RTEL1: variants seen among roughly 807,000 people sequenced by gnomAD.
RTEL1 encodes the protein regulator of telomere length.
A neutral mutation model predicts 162.2 loss-of-function variants in RTEL1; 86 were observed. That is an observed-to-expected ratio of 0.53 (90% CI 0.45 to 0.63). The LOEUF (loss-of-function observed/expected upper bound fraction) is 0.63, where lower values mean the gene tolerates loss of function less well. RTEL1 is among the 30% of genes least tolerant of loss of function. RTEL1 has a pLI of 0.00. For synonymous variants in RTEL1, 958 were observed against 717.9 expected (o/e 1.33, Z -5.35); for missense variants, 1,941 against 1,750.2 (o/e 1.11, Z -1.95).
chr20:63,672,708 G>A, intron 9 of RTEL1, 87 bp downstream of exon 9: 1 of 1,148,192 alleles, frequency 8.7e-7, no homozygotes, highest in Non-Finnish European at 1.3e-6. Context: ...AGGGGCTCTG[G>A]CCAAACTCCT....
chr20:63,691,653 G>A, intron 27 of RTEL1, 89 bp from the exon 28 acceptor site: 1 of 1,186,534 alleles, frequency 8.4e-7, no homozygotes, highest in Non-Finnish European at 1.2e-6. Flanking sequence ...GGGCTCCTTG[G>A]GACCATCTTC....
chr20:63,692,441 T>C, intron 28 of RTEL1: 1 of 343,888 alleles, frequency 2.9e-6, no homozygotes. Flanking sequence ...AAGCCCCTCC[T>C]TGTGCGCTGC....
At chr20:63,681,616 C>T in intron 14 of RTEL1, 2 of 985,388 alleles carry the variant, frequency 2.0e-6, no homozygotes, top group South Asian at 9.4e-5. Context: ...TGCTGCTGGG[C>T]ATGGAGCTGC....
chr20:63,682,526 G>T, intron 14 of RTEL1: 1 of 985,768 alleles, frequency 1.0e-6, no homozygotes, highest in Non-Finnish European at 1.2e-6. Context: ...ACACTCCATC[G>T]GTTTGGAATT....
chr20:63,668,146 A>C lies in RTEL1; in HGVS notation c.699+593A>C, dbSNP rs2090175586. Among the ~76,000 whole-genome samples the C allele has an allele frequency of 2.5e-5, 3 of 121,480 alleles. No individual in the cohort carries two copies. The highest frequency in any genetic ancestry group is 8.1e-5 in the Admixed American group (1 of 12,304). The allele number at this position is 121,480 out of a possible 152,430, so 79.7% of individuals were successfully genotyped here. On this transcript the variant is annotated intron_variant, in intron 8 of 34. Coordinates refer to ENST00000360203, the MANE Select transcript of RTEL1 (RefSeq NM_001283009.2). The surrounding 1 kb of genome is among the most constrained non-coding windows in gnomAD (Gnocchi z 4.3). ...CCAGCATGTGCCCGGCCCCACACTC[A>C]ACTCCCCTCCTCCCAGTGTGTGCCC...
rs1292134264 is a variant in RTEL1, at chr20:63,661,283, C to G, written c.103-15C>G. On this transcript the variant is annotated splice_polypyrimidine_tract_variant and intron_variant, in intron 2 of 34. Transcript: ENST00000360203. The surrounding 1 kb of genome is among the most constrained non-coding windows in gnomAD (Gnocchi z 5.1). ...TCCTGGCTTCCCCGTAACCCTTGCT[C>G]CGAACTCCGTTCAGAAGGTGAATGG... 6.2e-7 allele frequency: 1 copy of G among 1,610,412 alleles called. No homozygotes were observed. Among genetic ancestry groups the G allele is most frequent in the South Asian group, 1.1e-5 (1 of 90,952 alleles).
chr20:63,693,298 A>C lies in RTEL1; in HGVS notation c.2992+15A>C. ...GGACCCCACTGGTAAATGGGGCCCC[A>C]GGTGGGACCCTCAGACTCCTGCGTG... On this transcript the variant is annotated intron_variant, in intron 30 of 34. Transcript: ENST00000360203. The C allele has an allele frequency of 6.2e-7, 1 of 1,611,080 alleles. No homozygotes were observed. The highest frequency in any genetic ancestry group is 1.1e-5 in the South Asian group (1 of 91,082).
intron 6 of RTEL1, 97 bp downstream of exon 6, chr20:63,662,986 TG>T: frequency 8.0e-7 from 1 of 1,243,938 alleles, no homozygotes. Context: ...GCTTGCCCGG[TG>T]GGGCGGCCAG....
At chr20:63,682,997 T>G (rs1310241474) in intron 14 of RTEL1, among the ~76,000 whole-genome samples, 1 of 152,038 alleles carries the variant, frequency 6.6e-6, no homozygotes, top group Non-Finnish European at 1.5e-5. Flanking sequence ...AGGGTCTCGC[T>G]TTGTCACCCC....
At position 63,661,896 on chromosome 20, in the gene RTEL1, C is replaced by T. The variant is rs1308140303; in HGVS notation, c.348C>T (p.His116=). The T allele has an allele frequency of 6.2e-7, 1 of 1,614,072 alleles. No homozygotes were observed. The highest frequency in any genetic ancestry group is 8.5e-7 in the Non-Finnish European group (1 of 1,180,008). The part of the protein sequence containing the change: ...IPKIIYASRT[H]SQLTQVINEL... ...AGATTATTTACGCCTCCAGGACCCA[C>T]TCGCAACTCACACAGGTCATCAACG... The change falls in exon 4 of 35, where the codon CAC becomes CAT. Residue 116 remains histidine, a synonymous_variant. Coordinates refer to ENST00000360203, the MANE Select transcript of RTEL1 (RefSeq NM_001283009.2). The surrounding 1 kb of genome is among the most constrained non-coding windows in gnomAD (Gnocchi z 5.1).
chr20:63,693,760 C>T (rs141035031), intron 30 of RTEL1, among the ~76,000 whole-genome samples: 1 of 123,292 alleles, frequency 8.1e-6, no homozygotes, highest in Non-Finnish European at 1.7e-5. Context: ...ACCACCTCCA[C>T]CTCCACCAGC....
chr20:63,682,787 G>A lies in RTEL1; in HGVS notation c.1191+2068G>A, dbSNP rs964985672. On this transcript the variant is annotated intron_variant, in intron 14 of 34. Transcript: ENST00000360203. ...TGGGATGCACAGCTCAGCTGGAGGC[G>A]AACTCCAGGCAGGGTCAGGCCGTGT... 13 of 745,232 alleles carry A rather than the reference G, an allele frequency of 1.7e-5. No homozygotes were observed. The South Asian group carries it at 1.9e-4, about 11-fold the overall frequency. The allele number at this position is 745,232 out of a possible 1,614,324, so 46.2% of individuals were successfully genotyped here. A position where few individuals can be genotyped will look rare whatever the true frequency, so the allele number is the denominator to read the frequency against.
intron 10 of RTEL1, among the ~76,000 whole-genome samples, chr20:63,675,252 C>T (rs2090326469): frequency 6.6e-6 from 1 of 152,206 alleles, no homozygotes; most frequent in Non-Finnish European, 1.5e-5. Context: ...GACTAGGAGT[C>T]TGTGTGAATA....
At position 63,688,361 on chromosome 20, in the gene RTEL1, T is replaced by C; in HGVS notation, c.1697T>C (p.Met566Thr). The C allele has an allele frequency of 1.2e-6, 2 of 1,612,398 alleles. No homozygotes were observed. Among genetic ancestry groups the C allele is most frequent in the Non-Finnish European group, 1.7e-6 (2 of 1,179,852 alleles). Residue 566 changes from methionine to threonine, a missense_variant, in exon 20 of 35, where the codon ATG becomes ACG. Coordinates refer to ENST00000360203, the MANE Select transcript of RTEL1 (RefSeq NM_001283009.2). ...LLIFFPSYPVMEKSLEFWRAR... is the reference protein window; with the variant it reads ...LLIFFPSYPVTEKSLEFWRAR... ...ATCTTCTTCCCTTCCTATCCTGTCA[T>C]GGAGAAGAGCCTGGAGTTCTGGCGG...
intron 10 of RTEL1, among the ~76,000 whole-genome samples, chr20:63,675,255 T>C (rs2090326536): frequency 6.6e-6 from 1 of 152,224 alleles, no homozygotes; most frequent in Non-Finnish European, 1.5e-5. Context: ...TAGGAGTCTG[T>C]GTGAATATCT....
chr20:63,662,383 G>T (rs978452884), intron 4 of RTEL1, 163 bp from the exon 5 acceptor site: 12 of 1,436,088 alleles, frequency 8.4e-6, no homozygotes, highest in Non-Finnish European at 9.6e-6. Context: ...CAGTACCCCC[G>T]CTCGTCTTCT....
At position 63,693,157 on chromosome 20, in the gene RTEL1, G is replaced by C. The variant is rs942820151; in HGVS notation, c.2866G>C (p.Val956Leu). 7 of 1,612,078 alleles carry C rather than the reference G, an allele frequency of 4.3e-6. No individual in the cohort carries two copies. Among genetic ancestry groups the C allele is most frequent in the South Asian group, 3.3e-5 (3 of 91,096 alleles). Residue 956 changes from valine to leucine, a missense_variant, in exon 30 of 35, where the codon GTG becomes CTG. Physicochemically the swap from Val to Leu is conservative, Grantham distance 32. Coordinates refer to ENST00000360203, the MANE Select transcript of RTEL1 (RefSeq NM_001283009.2). Reference sequence around the variant, plus strand: ...TTCCTCTACAGGCTTCTACCAGTTTGTGCGGCCCCACCATAAGCAGCAGTT... The same window carrying C: ...TTCCTCTACAGGCTTCTACCAGTTTCTGCGGCCCCACCATAAGCAGCAGTT... ...HNLLQGFYQF[V>L]RPHHKQQFEE... is the part of the protein sequence containing the mutation.
Position 63,689,498 on chromosome 20 carries a change from C to T in RTEL1, c.1879-4C>T, listed in dbSNP as rs753381436. ...CCCAGGCAGCTCCCTGGTGTGTCCC[C>T]TAGGCCAGCGAGGGGCTGGACTTCT... On this transcript the variant is annotated splice_polypyrimidine_tract_variant and splice_region_variant and intron_variant, in intron 22 of 34. Transcript: ENST00000360203. 9.6e-5 allele frequency: 153 copies of T among 1,586,222 alleles called. No homozygotes were observed. Among genetic ancestry groups the T allele is most frequent in the Non-Finnish European group, 1.2e-4 (144 of 1,166,838 alleles).
chr20:63,674,911 T>C (rs1054377084), intron 10 of RTEL1, among the ~76,000 whole-genome samples: 1 of 142,864 alleles, frequency 7.0e-6, no homozygotes, highest in African/African-American at 2.5e-5. Flanking sequence ...ATTTTCTTTC[T>C]TTTTTTTTTT....
Sources: allele counts gnomAD v4.1 joint callset (sites outside exome capture counted in the v4.1 genomes callset), GRCh38; gene constraint gnomAD v4.1.1; non-coding constraint Gnocchi (gnomAD v3.1); transcripts MANE v1.5; gene names NCBI Gene and HGNC (gene_info 2026-07-23, HGNC 2026-07-21).